Variants in CPA6 observed in about 807,000 individuals in gnomAD.
CPA6 encodes carboxypeptidase A6, also known as carboxypeptidase B.
A neutral mutation model predicts 63.3 loss-of-function variants in CPA6; 58 were observed. The observed-to-expected ratio is 0.92, with a 90% CI of 0.74 to 1.14. The LOEUF (loss-of-function observed/expected upper bound fraction) is 1.14. Ranked by LOEUF, CPA6 falls within the 50% of genes most tolerant of loss-of-function variation. The pLI is 0.00. For synonymous variants in CPA6, 185 were observed against 179.0 expected (o/e 1.03, Z -0.27); for missense variants, 565 against 526.6 (o/e 1.07, Z -0.71).
chr8:67,443,978 T>G (rs1374713054), intron 8 of CPA6, among the ~76,000 whole-genome samples: 2 of 151,494 alleles, frequency 1.3e-5, no homozygotes, highest in Non-Finnish European at 2.9e-5. Context: ...CTTGGCCAAC[T>G]TAGACATCCG....
At chr8:67,589,821 C>T (rs1260533838) in intron 2 of CPA6, among the ~76,000 whole-genome samples, 3 of 151,766 alleles carry the variant, frequency 2.0e-5, no homozygotes. Flanking sequence ...GAAGATGATT[C>T]TCCTGATTAT....
chr8:67,565,569 G>T (rs1813318019), intron 2 of CPA6, among the ~76,000 whole-genome samples: 1 of 152,180 alleles, frequency 6.6e-6, no homozygotes, highest in South Asian at 2.1e-4. Context: ...AGCAGGCAAT[G>T]GACGTGCAGC....
intron 2 of CPA6, among the ~76,000 whole-genome samples, chr8:67,616,525 GT>G (rs1370486627): frequency 6.7e-6 from 1 of 149,064 alleles, no homozygotes; most frequent in East Asian, 2.0e-4. Flanking sequence ...GTGTGTGTGT[GT>G]GTGTGTGTGT....
rs1047013036 is a variant in CPA6, at chr8:67,543,577, G to T, written c.193-25530C>A. On this transcript the variant is annotated intron_variant, in intron 2 of 10. Coordinates refer to ENST00000297770, the MANE Select transcript of CPA6 (RefSeq NM_020361.5). ...GAGAGCTTGTGGTTCTGAGGCATCC[G>T]TTAAGGGCCTGGGGGTTTCTTGTGG... Among the ~76,000 whole-genome samples, 4 of 152,286 alleles carry T rather than the reference G, an allele frequency of 2.6e-5. No individual in the cohort carries two copies. The East Asian group carries it at 7.7e-4, about 29-fold the overall frequency.
intron 2 of CPA6, among the ~76,000 whole-genome samples, chr8:67,607,169 C>CTCTTCTTCTTCTTCTTCTTCTTCT (rs1211819002): frequency 9.5e-4 from 27 of 28,398 alleles, no homozygotes; most frequent in South Asian, 1.9e-3. Context: ...CTTCTTCTTC[C>CTCTTCTTCTTCTTCTTCTTCTTCT]TCTTCTTCTT....
intron 1 of CPA6, among the ~76,000 whole-genome samples, chr8:67,710,399 C>T (rs1034535582): frequency 3.6e-4 from 46 of 128,372 alleles, no homozygotes; most frequent in Non-Finnish European, 6.8e-4. Flanking sequence ...AATTTCCCGC[C>T]CCCACCCCCC....
chr8:67,528,154 T>C (rs1164350565), intron 2 of CPA6, among the ~76,000 whole-genome samples: 3 of 152,230 alleles, frequency 2.0e-5, no homozygotes, highest in East Asian at 3.9e-4. Flanking sequence ...TAAGCAGATA[T>C]GACGTGCAGT....
rs1286275031 is a variant in CPA6, at chr8:67,499,153, C to G, written c.636+7634G>C. On this transcript the variant is annotated intron_variant, in intron 6 of 10. Coordinates refer to ENST00000297770, the MANE Select transcript of CPA6 (RefSeq NM_020361.5). The stretch of plus-strand genomic sequence containing the variant: ...TCAAAATAGACATCCACAGATCACT[C>G]TACTAAATTGGAATGGAGGCAGAAG... 5.3e-5 allele frequency among the ~76,000 whole-genome samples: 8 copies of G among 152,268 alleles called. No homozygotes were observed. The East Asian group carries it at 1.5e-3, about 29-fold the overall frequency.
chr8:67,551,523 T>C (rs2128972878), intron 2 of CPA6, among the ~76,000 whole-genome samples: 1 of 152,312 alleles, frequency 6.6e-6, no homozygotes, highest in East Asian at 1.9e-4. Flanking sequence ...TGGTTCTATA[T>C]AAATTTTAGA....
chr8:67,717,619 A>ATCAT (rs1345483682), intron 1 of CPA6, among the ~76,000 whole-genome samples: 1 of 152,250 alleles, frequency 6.6e-6, no homozygotes, highest in East Asian at 1.9e-4. Context: ...ATAATAGTTC[A>ATCAT]TCATTGTGGT....
intron 1 of CPA6, among the ~76,000 whole-genome samples, chr8:67,719,257 C>T (rs759456945): frequency 6.6e-6 from 1 of 151,902 alleles, no homozygotes; most frequent in Admixed American, 6.6e-5. Context: ...ATTGTTTGGT[C>T]AATGGTAGAA....
intron 1 of CPA6, chr8:67,732,622 G>T (rs1009688114): frequency 6.6e-6 from 1 of 152,290 alleles, no homozygotes; most frequent in Non-Finnish European, 1.5e-5. Context: ...AGGAGGGCGC[G>T]GTCACGGCTG....
intron 1 of CPA6, among the ~76,000 whole-genome samples, chr8:67,648,219 A>G (rs1815755801): frequency 6.7e-6 from 1 of 149,850 alleles, no homozygotes; most frequent in African/African-American, 2.5e-5. Context: ...TAGAGAATAG[A>G]TGAAAGATCA....
chr8:67,737,503 A>G (rs925220429), intron 1 of CPA6, among the ~76,000 whole-genome samples: 4 of 151,960 alleles, frequency 2.6e-5, no homozygotes, highest in Non-Finnish European at 4.4e-5. Flanking sequence ...CCTTCTGTCC[A>G]TTCTTCAGTC....
chr8:67,480,925 G>A (rs1234467570), intron 8 of CPA6, among the ~76,000 whole-genome samples: 2 of 152,090 alleles, frequency 1.3e-5, no homozygotes, highest in Non-Finnish European at 2.9e-5. Context: ...GGCTAATGAC[G>A]TTGAGCGTAT....
At chr8:67,479,396 G>A (rs913084531) in intron 8 of CPA6, among the ~76,000 whole-genome samples, 4 of 152,184 alleles carry the variant, frequency 2.6e-5, no homozygotes, top group African/African-American at 9.7e-5. Context: ...ATAAACCTCT[G>A]TACCCCATTG....
intron 9 of CPA6, among the ~76,000 whole-genome samples, chr8:67,431,127 G>T (rs1810018414): frequency 2.0e-5 from 3 of 152,280 alleles, no homozygotes; most frequent in East Asian, 1.9e-4. Flanking sequence ...GCCTCCCAAA[G>T]TGCTGGGATT....
Position 67,746,083 on chromosome 8 carries a change from G to C in CPA6, c.47C>G (p.Pro16Arg). 6.2e-7 allele frequency: 1 copy of C among 1,613,958 alleles called. No homozygotes were observed. Residue 16 changes from proline to arginine, a missense_variant, in exon 1 of 11, where the codon CCT (proline) becomes CGT (arginine). Physicochemically the swap from Pro to Arg is moderately radical, Grantham distance 103 (BLOSUM62 -2). Coordinates refer to ENST00000297770, the MANE Select transcript of CPA6 (RefSeq NM_020361.5). ...AATCTTCAAAAAGAGCCAGCAAAGA[G>C]GCAGGAAAGCAGCTGCCTGGCCCCT... Reference protein sequence around the residue: ...KRRGQAAAFLPLCWLFLKILQ... With the variant: ...KRRGQAAAFLRLCWLFLKILQ...
rs532789692 is a variant in CPA6 at position 67,474,540 on chromosome 8, C to T, written c.838+9228G>A. Among the ~76,000 whole-genome samples the T allele has an allele frequency of 5.9e-5, 9 of 152,058 alleles. No individual in the cohort carries two copies. The South Asian group carries it at 1.2e-3, about 21-fold the overall frequency. Reference sequence around the variant, plus strand: ...CCGGCCGCAGCTTTTATCTTTTTGGCCTCAGCAGTACAGGAAGGCACTTAG... The same window carrying T: ...CCGGCCGCAGCTTTTATCTTTTTGGTCTCAGCAGTACAGGAAGGCACTTAG... On this transcript the variant is annotated intron_variant, in intron 8 of 10. Transcript: ENST00000297770.
Sources: allele counts gnomAD v4.1 joint callset (sites outside exome capture counted in the v4.1 genomes callset), GRCh38; gene constraint gnomAD v4.1.1; transcripts MANE v1.5; gene names NCBI Gene and HGNC (gene_info 2026-07-23, HGNC 2026-07-21).